Variants in CACNA2D1 observed in about 807,000 individuals in gnomAD.
The protein encoded by CACNA2D1 is calcium voltage-gated channel auxiliary subunit alpha2delta 1.
In CACNA2D1, 53 loss-of-function variants were observed where a neutral mutation model predicts 171.5. The ratio of observed to expected loss-of-function variants is 0.31; its 90% CI spans 0.25 to 0.39. CACNA2D1 has a LOEUF of 0.39. CACNA2D1 is among the 10% of genes least tolerant of loss of function. The pLI, the probability that CACNA2D1 is intolerant of heterozygous loss-of-function variation, is 1.00. For synonymous variants in CACNA2D1, 442 were observed against 443.1 expected, an observed-to-expected ratio of 1.00 and a Z score of 0.03; for missense variants, 903 against 1,299.8, an observed-to-expected ratio of 0.69 and a Z score of 4.69.
intron 4 of CACNA2D1, among the ~76,000 whole-genome samples, chr7:82,166,789 T>G (rs182542122): frequency 3.3e-5 from 5 of 152,192 alleles, no homozygotes; most frequent in African/African-American, 9.6e-5. Context: ...TGTAAATGCA[T>G]GACCACATAA....
chr7:82,269,094 C>A (rs1808290011), intron 3 of CACNA2D1, among the ~76,000 whole-genome samples: 2 of 152,248 alleles, frequency 1.3e-5, no homozygotes, highest in South Asian at 4.2e-4. Context: ...AGCGACGCAA[C>A]AAGACCTACA....
Position 81,948,573 on chromosome 7 carries a change from C to A in CACNA2D1, c.*1819G>T, listed in dbSNP as rs1410961591. The A allele has an allele frequency of 6.6e-6, 1 of 151,656 alleles. No individual in the cohort carries two copies. 9.4% of individuals were successfully genotyped at this position (151,656 alleles called of 1,614,324 possible). On this transcript the variant is annotated 3_prime_UTR_variant, in exon 39 of 39. Transcript: ENST00000356860. ...AACAAAACAAATGTTATCTTTTAAG[C>A]TACGTTAAATTATTGGTTATATCTT...
chr7:82,390,933 T>C (rs1253052312), intron 1 of CACNA2D1, among the ~76,000 whole-genome samples: 1 of 152,186 alleles, frequency 6.6e-6, no homozygotes, highest in Non-Finnish European at 1.5e-5. Flanking sequence ...TTAAGGCTCA[T>C]GCTATCTTGA....
chr7:82,124,612 CT>C lies in CACNA2D1; in HGVS notation c.397-7440del, dbSNP rs1287116686. Among the ~76,000 whole-genome samples the C allele has an allele frequency of 1.1e-4, 16 of 152,272 alleles. No individual in the cohort carries two copies. The East Asian group carries it at 1.9e-3, about 19-fold the overall frequency. On this transcript the variant is annotated intron_variant, in intron 5 of 38. Coordinates refer to ENST00000356860, the MANE Select transcript of CACNA2D1 (RefSeq NM_000722.4). ...AAACCAAGTAAGCAACATGAAACCT[CT>C]AGAGTGTATTTAAACTCCAGAAAAT...
intron 15 of CACNA2D1, among the ~76,000 whole-genome samples, chr7:82,010,441 C>A (rs902125603): frequency 7.9e-5 from 12 of 151,460 alleles, no homozygotes; most frequent in African/African-American, 2.9e-4. Flanking sequence ...AACATTTCCT[C>A]CTAATGTCAT....
At chr7:82,006,814 T>A (rs1264371586) in intron 16 of CACNA2D1, among the ~76,000 whole-genome samples, 1 of 152,106 alleles carries the variant, frequency 6.6e-6, no homozygotes, top group Non-Finnish European at 1.5e-5. Flanking sequence ...ATAACTGTTT[T>A]CTATGGCCAC....
At chr7:82,115,328 A>G (rs1388773137) in intron 6 of CACNA2D1, among the ~76,000 whole-genome samples, 3 of 152,194 alleles carry the variant, frequency 2.0e-5, no homozygotes, top group African/African-American at 7.2e-5. Context: ...CATTGTCTGA[A>G]CAGTTAGAAT....
chr7:82,413,670 T>C (rs1827900767), intron 1 of CACNA2D1, among the ~76,000 whole-genome samples: 1 of 152,150 alleles, frequency 6.6e-6, no homozygotes, highest in Non-Finnish European at 1.5e-5. Flanking sequence ...ATATAAAGCT[T>C]TTAAGGTGGT....
At chr7:82,072,315 G>A (rs1270174383) in intron 7 of CACNA2D1, among the ~76,000 whole-genome samples, 4 of 152,034 alleles carry the variant, frequency 2.6e-5, no homozygotes, top group East Asian at 3.9e-4. Flanking sequence ...TTATATGCTT[G>A]TATCAAAATT....
intron 10 of CACNA2D1, among the ~76,000 whole-genome samples, chr7:82,041,714 C>A (rs1803985151): frequency 6.6e-6 from 1 of 152,132 alleles, no homozygotes; most frequent in Non-Finnish European, 1.5e-5. Flanking sequence ...CTCTTCTATT[C>A]TTTGGTTATT....
At chr7:82,394,543 C>T (rs898618562) in intron 1 of CACNA2D1, among the ~76,000 whole-genome samples, 24 of 152,132 alleles carry the variant, frequency 1.6e-4, no homozygotes, top group African/African-American at 5.5e-4. Flanking sequence ...GCTTCAAAGA[C>T]ATTTTTTGAG....
intron 4 of CACNA2D1, among the ~76,000 whole-genome samples, chr7:82,139,698 T>C (rs1295815815): frequency 2.0e-5 from 3 of 152,072 alleles, no homozygotes; most frequent in Non-Finnish European, 2.9e-5. Flanking sequence ...GAAACAAATA[T>C]ATATTAGTTA....
chr7:82,241,721 C>A (rs1368306747), intron 3 of CACNA2D1, among the ~76,000 whole-genome samples: 1 of 151,938 alleles, frequency 6.6e-6, no homozygotes, highest in Admixed American at 6.6e-5. Context: ...GGAATTAGGT[C>A]AGAAGGGTTA....
intron 3 of CACNA2D1, among the ~76,000 whole-genome samples, chr7:82,214,191 G>A (rs59958020): frequency 0.099 from 14,998 of 152,034 alleles, 1,197 homozygotes; most frequent in African/African-American, 0.22. Flanking sequence ...TTTTTCAGGG[G>A]TGTAAGAATT....
chr7:82,172,862 A>G (rs1219512430), intron 3 of CACNA2D1, among the ~76,000 whole-genome samples: 6 of 133,684 alleles, frequency 4.5e-5, no homozygotes, highest in Non-Finnish European at 7.8e-5. Context: ...TGGAACTTAA[A>G]CAAAATTCTG....
chr7:81,963,628 G>A (rs1038964198), intron 34 of CACNA2D1, among the ~76,000 whole-genome samples: 3 of 151,952 alleles, frequency 2.0e-5, no homozygotes, highest in Non-Finnish European at 4.4e-5. Context: ...TGTATCAATA[G>A]TAAAGAGGTA....
At chr7:82,138,823 C>A (rs771665506) in intron 4 of CACNA2D1, among the ~76,000 whole-genome samples, 7 of 152,072 alleles carry the variant, frequency 4.6e-5, no homozygotes, top group Non-Finnish European at 8.8e-5. Context: ...CACCTGAGAC[C>A]CAAACCTAAT....
chr7:82,001,559 A>G, intron 18 of CACNA2D1: 1 of 349,824 alleles, frequency 2.9e-6, no homozygotes, highest in South Asian at 2.5e-5. Flanking sequence ...GATGTCAGGA[A>G]AGGCAGCTTT....
chr7:82,101,273 C>A (rs560515190), intron 6 of CACNA2D1, among the ~76,000 whole-genome samples: 73 of 152,172 alleles, frequency 4.8e-4, no homozygotes, highest in African/African-American at 1.6e-3. Context: ...TCTCAACATT[C>A]CTGTACCAAA....
Sources: allele counts gnomAD v4.1 joint callset (sites outside exome capture counted in the v4.1 genomes callset), GRCh38; gene constraint gnomAD v4.1.1; transcripts MANE v1.5; gene names NCBI Gene and HGNC (gene_info 2026-07-23, HGNC 2026-07-21).